The following TMEM164 variants were observed in gnomAD, a reference collection of about 807,000 sequenced individuals.
TMEM164 encodes the protein transmembrane protein 164, also known as RP13-360B22.2.
Under a neutral mutation model 18.8 loss-of-function variants are expected in TMEM164, and 4 were observed. That is an observed-to-expected ratio of 0.21 (90% CI 0.10 to 0.49). The LOEUF is 0.49. Among genes scored for constraint, TMEM164 ranks in the 20% least tolerant of loss-of-function variants. The pLI is 0.98. For synonymous variants in TMEM164, 86 were observed against 101.7 expected (o/e 0.85, Z 0.93); for missense variants, 108 against 239.9 (o/e 0.45, Z 3.63).
At chrX:110,163,603 A>G (rs58819233) in intron 5 of TMEM164, among the ~76,000 whole-genome samples, 5,767 of 112,183 alleles carry the variant, frequency 0.051, 369 homozygotes, top group African/African-American at 0.18. Context: ...GGAGTGAGGT[A>G]GTGGCCAGAT....
intron 4 of TMEM164, among the ~76,000 whole-genome samples, chrX:110,125,528 T>C (rs772603110): frequency 9.0e-6 from 1 of 111,484 alleles, no homozygotes; most frequent in Non-Finnish European, 1.9e-5. Context: ...CTAGAAAGTA[T>C]TCTGGGCAAG....
intron 3 of TMEM164, among the ~76,000 whole-genome samples, chrX:110,075,221 T>C (rs922683788): frequency 6.3e-5 from 7 of 111,687 alleles, no homozygotes; most frequent in African/African-American, 2.3e-4. Flanking sequence ...TTGTAGCTAT[T>C]GTAAAATGGG....
intron 4 of TMEM164, among the ~76,000 whole-genome samples, chrX:110,116,286 C>G (rs1267392865): frequency 2.7e-5 from 3 of 112,138 alleles, no homozygotes; most frequent in Non-Finnish European, 5.6e-5. Flanking sequence ...AGGTTCAGAT[C>G]AGATTAAACG....
intron 2 of TMEM164, among the ~76,000 whole-genome samples, chrX:110,042,526 G>T (rs994603947): frequency 4.5e-5 from 5 of 111,351 alleles, no homozygotes; most frequent in Non-Finnish European, 9.4e-5. Flanking sequence ...CAGTTCTTTT[G>T]GGTATGTATA....
chrX:110,100,304 A>G (rs1238201196), intron 3 of TMEM164, among the ~76,000 whole-genome samples: 2 of 110,753 alleles, frequency 1.8e-5, no homozygotes, highest in African/African-American at 6.6e-5. Context: ...GATTAGGCAT[A>G]GTAATTTTAG....
At chrX:110,104,457 C>A (rs763224128) in intron 3 of TMEM164, among the ~76,000 whole-genome samples, 1 of 111,747 alleles carries the variant, frequency 8.9e-6, no homozygotes, top group Non-Finnish European at 1.9e-5. Flanking sequence ...TTGAATAACA[C>A]CAGAGGACCC....
chrX:110,164,517 T>G (rs2067134157), intron 5 of TMEM164, among the ~76,000 whole-genome samples: 1 of 111,123 alleles, frequency 9.0e-6, no homozygotes, highest in Non-Finnish European at 1.9e-5. Flanking sequence ...AATTATAAGG[T>G]CTCAGGCACG....
chrX:110,139,090 A>G (rs1014887793), intron 4 of TMEM164, among the ~76,000 whole-genome samples: 1 of 112,810 alleles, frequency 8.9e-6, no homozygotes, highest in African/African-American at 3.2e-5. Context: ...AAGCTCCATT[A>G]CTACCACAAA....
At chrX:110,030,603 G>C (rs1934446235) in intron 2 of TMEM164, among the ~76,000 whole-genome samples, 1 of 107,769 alleles carries the variant, frequency 9.3e-6, no homozygotes, top group East Asian at 2.9e-4. Flanking sequence ...CAGATCACAG[G>C]ATTTTGAGAC....
intron 4 of TMEM164, among the ~76,000 whole-genome samples, chrX:110,132,913 T>C (rs1258079750): frequency 8.9e-6 from 1 of 112,102 alleles, no homozygotes; most frequent in East Asian, 2.8e-4. Context: ...TCATAGCATA[T>C]TGTTGGTCCG....
chrX:110,068,513 C>T, intron 3 of TMEM164, among the ~76,000 whole-genome samples: 1 of 112,087 alleles, frequency 8.9e-6, no homozygotes, highest in Non-Finnish European at 1.9e-5. Flanking sequence ...AACACAGGGA[C>T]ACATAAGGAA....
intron 2 of TMEM164, among the ~76,000 whole-genome samples, chrX:110,016,721 A>G (rs1348664160): frequency 9.1e-6 from 1 of 110,109 alleles, no homozygotes; most frequent in African/African-American, 3.3e-5. Context: ...TAGTGGTATG[A>G]ATATGGCTCA....
At chrX:110,148,675 A>ATTT (rs373500523) in intron 5 of TMEM164, among the ~76,000 whole-genome samples, 11 of 67,892 alleles carry the variant, frequency 1.6e-4, no homozygotes, top group African/African-American at 4.9e-4. Context: ...CACCCGGCTC[A>ATTT]TTTTTTTTTT....
At chrX:110,136,408 G>A (rs1385885148) in intron 4 of TMEM164, among the ~76,000 whole-genome samples, 1 of 111,798 alleles carries the variant, frequency 8.9e-6, no homozygotes, top group Non-Finnish European at 1.9e-5. Flanking sequence ...ACCTAACTTC[G>A]CTGGCAGGAA....
downstream of TMEM164, among the ~76,000 whole-genome samples, chrX:110,184,177 C>A (rs1292848293): frequency 2.8e-5 from 3 of 109,080 alleles, no homozygotes; most frequent in African/African-American, 1.0e-4. Flanking sequence ...TATGGGGGAA[C>A]TGTCTATACA....
chrX:110,159,317 A>G (rs999676501), intron 5 of TMEM164, among the ~76,000 whole-genome samples: 1 of 110,897 alleles, frequency 9.0e-6, no homozygotes, highest in Non-Finnish European at 1.9e-5. Flanking sequence ...GAGGAATTCT[A>G]TGGAGGGAGG....
chrX:110,083,368 C>A (rs991964187), intron 3 of TMEM164, among the ~76,000 whole-genome samples: 7 of 111,062 alleles, frequency 6.3e-5, no homozygotes, highest in Non-Finnish European at 1.1e-4. Context: ...TACATAAATT[C>A]TTCTATATGC....
chrX:110,157,124 G>T (rs1381568499), intron 5 of TMEM164, among the ~76,000 whole-genome samples: 1 of 111,564 alleles, frequency 9.0e-6, no homozygotes, highest in Non-Finnish European at 1.9e-5. Flanking sequence ...CTGGTCCAGG[G>T]TAACTATGTA....
chrX:110,149,331 A>C (rs1359447249), intron 5 of TMEM164, among the ~76,000 whole-genome samples: 1 of 111,748 alleles, frequency 8.9e-6, no homozygotes, highest in East Asian at 2.8e-4. Context: ...TTACTCTGAT[A>C]TCTAACCCTC....
Sources: gnomAD v4.1 joint callset for allele counts (sites outside exome capture counted in the v4.1 genomes callset) on GRCh38, gnomAD v4.1.1 for gene constraint, MANE v1.5 for transcripts, NCBI Gene and HGNC (gene_info 2026-07-23, HGNC 2026-07-21) for gene names.